The following LEPR variants were observed in gnomAD, a reference collection of about 807,000 sequenced individuals.
LEPR encodes leptin receptor.
In LEPR, 56 loss-of-function variants were observed where a neutral mutation model predicts 114.7. The observed-to-expected ratio is 0.49, with a 90% CI of 0.39 to 0.61. LEPR has a LOEUF of 0.61. Ranked by LOEUF, LEPR falls within the 20% of genes least tolerant of loss-of-function variation. The pLI is 0.00. For synonymous variants in LEPR, 443 were observed against 461.4 expected (o/e 0.96, Z 0.51); for missense variants, 1,202 against 1,352.9 (o/e 0.89, Z 1.75).
chr1:65,514,224 G>GCA (rs1191078449), intron 2 of LEPR, among the ~76,000 whole-genome samples: 206 of 152,308 alleles, frequency 1.4e-3, no homozygotes, highest in African/African-American at 4.6e-3. Flanking sequence ...AGATAGTCAA[G>GCA]GAAATATGAT....
At chr1:65,632,537 T>C (rs1425448657) in intron 19 of LEPR, among the ~76,000 whole-genome samples, 1 of 152,070 alleles carries the variant, frequency 6.6e-6, no homozygotes, top group Non-Finnish European at 1.5e-5. Context: ...GAAAGATTGT[T>C]GGACTAGAAA....
In LEPR at chr1:65,622,994, A is replaced by G. The variant is rs772441520; in HGVS notation, c.2673+13A>G. ...TAATTTTCAGAAGGTTGCTTTTTCA[A>G]TTTTTTTTAACCCAGAATATATACG... On this transcript the variant is annotated intron_variant, in intron 19 of 19. Transcript: ENST00000349533. 3 of 1,606,886 alleles carry G rather than the reference A, an allele frequency of 1.9e-6. No individual in the cohort carries two copies. The highest frequency in any genetic ancestry group is 2.7e-5 in the African/African-American group (2 of 74,696).
At chr1:65,618,831 C>T (rs1024704597) in intron 16 of LEPR, among the ~76,000 whole-genome samples, 22 of 152,200 alleles carry the variant, frequency 1.4e-4, no homozygotes, top group Admixed American at 2.6e-4. Flanking sequence ...CCAGCTTTAT[C>T]TTTTCTTAAA....
chr1:65,614,131 A>G (rs908984548), intron 14 of LEPR, among the ~76,000 whole-genome samples: 1 of 152,200 alleles, frequency 6.6e-6, no homozygotes, highest in African/African-American at 2.4e-5. Context: ...ACTTAAGTCT[A>G]CATAGAAACT....
intron 2 of LEPR, among the ~76,000 whole-genome samples, chr1:65,524,744 G>A (rs1649815153): frequency 6.6e-6 from 1 of 152,094 alleles, no homozygotes; most frequent in African/African-American, 2.4e-5. Context: ...TTACCCTGTT[G>A]ATTTCTTCCA....
intron 2 of LEPR, among the ~76,000 whole-genome samples, chr1:65,522,337 G>T (rs573596522): frequency 1.8e-4 from 28 of 152,190 alleles, no homozygotes; most frequent in African/African-American, 6.7e-4. Flanking sequence ...AGGTTTACTT[G>T]GAAAATAGTT....
At chr1:65,450,589 C>CT (rs1344234137) in intron 2 of LEPR, among the ~76,000 whole-genome samples, 1 of 135,746 alleles carries the variant, frequency 7.4e-6, no homozygotes, top group Non-Finnish European at 1.6e-5. Flanking sequence ...ATCCATGTCC[C>CT]TACAAAGGAC....
intron 11 of LEPR, among the ~76,000 whole-genome samples, chr1:65,606,485 C>T (rs1290547471): frequency 6.6e-6 from 1 of 152,142 alleles, no homozygotes; most frequent in Non-Finnish European, 1.5e-5. Context: ...ATACCATCTC[C>T]ACTTATTACT....
intron 2 of LEPR, among the ~76,000 whole-genome samples, chr1:65,519,468 G>T (rs1408373761): frequency 1.3e-5 from 2 of 151,898 alleles, no homozygotes; most frequent in East Asian, 3.9e-4. Flanking sequence ...CCACTTTCAT[G>T]TCCGTATTTC....
At position 65,633,264 on chromosome 1, in the gene LEPR, C is replaced by A; in HGVS notation, c.2674-2927C>A. The A allele has an allele frequency of 3.2e-6, 5 of 1,550,214 alleles. No homozygotes were observed. Among genetic ancestry groups the A allele is most frequent in the Middle Eastern group, 1.7e-4 (1 of 5,842 alleles). ...ATTTTTACATTTTGAAGAAGGGGAG[C>A]AAATCTAAAAAAAATTCAGTTGAAC... On this transcript the variant is annotated intron_variant, in intron 19 of 19. Coordinates refer to ENST00000349533, the MANE Select transcript of LEPR (RefSeq NM_002303.6). This position sits in a 1 kb window ranked among gnomAD's most constrained non-coding sequence, Gnocchi z 4.1.
intron 2 of LEPR, chr1:65,428,044 G>C (rs904298143): frequency 6.5e-5 from 10 of 154,946 alleles, no homozygotes; most frequent in African/African-American, 2.4e-4. Context: ...ATCTTTGGCT[G>C]CTTTTGCATT....
intron 2 of LEPR, chr1:65,430,211 G>A (rs925209971): frequency 1.8e-5 from 9 of 508,036 alleles, no homozygotes; most frequent in Non-Finnish European, 2.6e-5. Context: ...ACAGTAGTTC[G>A]GCCATGCCTT....
At chr1:65,577,535 G>A in intron 5 of LEPR, 1 of 174,528 alleles carries the variant, frequency 5.7e-6, no homozygotes, top group South Asian at 1.5e-4. Context: ...CTTTGTCCCT[G>A]GCACATCTCT....
intron 2 of LEPR, among the ~76,000 whole-genome samples, chr1:65,450,310 T>C (rs1239124013): frequency 6.6e-6 from 1 of 151,930 alleles, no homozygotes; most frequent in Non-Finnish European, 1.5e-5. Flanking sequence ...AGTTATAGGG[T>C]ACATGTGCAC....
chr1:65,482,031 C>T (rs1647257338), intron 2 of LEPR, among the ~76,000 whole-genome samples: 1 of 151,670 alleles, frequency 6.6e-6, no homozygotes, highest in Non-Finnish European at 1.5e-5. Flanking sequence ...AATCAATATA[C>T]AAATACATTG....
chr1:65,435,920 A>G, intron 2 of LEPR: 1 of 985,182 alleles, frequency 1.0e-6, no homozygotes. Context: ...TAGCCATGCT[A>G]CCAGCGTACA....
At chr1:65,607,101 A>G (rs1656862214) in intron 11 of LEPR, among the ~76,000 whole-genome samples, 1 of 152,196 alleles carries the variant, frequency 6.6e-6, no homozygotes, top group Non-Finnish European at 1.5e-5. Flanking sequence ...TAAATCAAGA[A>G]GGTAAACCCT....
At chr1:65,603,575 CTT>C (rs1194889018) in intron 10 of LEPR, among the ~76,000 whole-genome samples, 4 of 152,282 alleles carry the variant, frequency 2.6e-5, no homozygotes, top group Admixed American at 6.5e-5. Context: ...AGGAAAAAGA[CTT>C]TATGTCAAGT....
rs772441520 is a variant in LEPR, at chr1:65,622,994, A to T, written c.2673+13A>T. On this transcript the variant is annotated intron_variant, in intron 19 of 19. Transcript: ENST00000349533. Reference sequence around the variant, plus strand: ...TAATTTTCAGAAGGTTGCTTTTTCAATTTTTTTTAACCCAGAATATATACG... The same window carrying T: ...TAATTTTCAGAAGGTTGCTTTTTCATTTTTTTTTAACCCAGAATATATACG... 6 of 1,606,882 alleles carry T rather than the reference A, an allele frequency of 3.7e-6. No homozygotes were observed. In the East Asian group the frequency reaches 8.9e-5, roughly 24 times the overall value.
Sources: gnomAD v4.1 joint callset for allele counts (sites outside exome capture counted in the v4.1 genomes callset) on GRCh38, gnomAD v4.1.1 for gene constraint, Gnocchi (gnomAD v3.1) non-coding constraint, MANE v1.5 for transcripts, NCBI Gene and HGNC (gene_info 2026-07-23, HGNC 2026-07-21) for gene names.